Variants in TTC6 observed in about 807,000 individuals in gnomAD.
The protein encoded by TTC6 is tetratricopeptide repeat protein 6.
TTC6 carries 172 observed loss-of-function variants against 210.4 expected under a neutral mutation model. That is an observed-to-expected ratio of 0.82 (90% CI 0.72 to 0.93). TTC6 has a LOEUF of 0.93. TTC6 is among the 40% of genes least tolerant of loss of function. The pLI is 0.00. For missense variants in TTC6, 2,414 were observed against 2,318.1 expected (o/e 1.04, Z -0.85); for synonymous variants, 804 against 819.6 (o/e 0.98, Z 0.32).
intron 20 of TTC6, among the ~76,000 whole-genome samples, chr14:37,804,055 T>C (rs556692814): frequency 6.6e-6 from 1 of 152,364 alleles, no homozygotes; most frequent in South Asian, 2.1e-4. Context: ...TTTGACTTTT[T>C]CATTTAATGA....
chr14:37,636,169 A>G (rs2095680290), intron 1 of TTC6, among the ~76,000 whole-genome samples: 1 of 152,134 alleles, frequency 6.6e-6, no homozygotes, highest in South Asian at 2.1e-4. Context: ...TGAAAATTAT[A>G]GTTAAAAACG....
At chr14:37,655,092 C>T (rs1405789758) in intron 1 of TTC6, among the ~76,000 whole-genome samples, 1 of 152,202 alleles carries the variant, frequency 6.6e-6, no homozygotes, top group Non-Finnish European at 1.5e-5. Flanking sequence ...CCATTGACAG[C>T]TCTCATTACC....
intron 25 of TTC6, 102 bp from the exon 28 acceptor site, chr14:37,817,476 T>C (rs1415690811): frequency 1.0e-6 from 1 of 958,916 alleles, no homozygotes; most frequent in African/African-American, 1.6e-5. Context: ...AAGATGTATA[T>C]CTTAATGCTT....
intron 8 of TTC6, among the ~76,000 whole-genome samples, chr14:37,736,223 T>TA (rs1388612542): frequency 2.0e-5 from 3 of 151,914 alleles, no homozygotes; most frequent in South Asian, 2.1e-4. Context: ...CCATCTCTAG[T>TA]AAAAAAACAA....
intron 1 of TTC6, among the ~76,000 whole-genome samples, chr14:37,674,607 T>A (rs372109108): frequency 7.9e-5 from 12 of 152,282 alleles, no homozygotes; most frequent in African/African-American, 2.9e-4. Context: ...GAGTCAAGAT[T>A]TGAAGCCAAA....
In TTC6 at chr14:37,747,530, G is replaced by A. The variant is rs903296455; in HGVS notation, c.2364-1409G>A. On this transcript the variant is annotated intron_variant, in intron 10 of 30. Coordinates refer to ENST00000553443, the Ensembl canonical transcript of TTC6. ...TATAGTAATGGTTTTCTTGAAAGCA[G>A]TAGTGATCTTTTTACAAGGATCCTA... is the stretch of plus-strand genomic sequence containing the variant. Among the ~76,000 whole-genome samples, 5 of 152,208 alleles carry A rather than the reference G, an allele frequency of 3.3e-5. No individual in the cohort carries two copies. In the East Asian group the frequency reaches 9.6e-4, roughly 29 times the overall value.
intron 1 of TTC6, among the ~76,000 whole-genome samples, chr14:37,635,935 C>T (rs181363404): frequency 2.4e-4 from 34 of 143,400 alleles, no homozygotes; most frequent in Admixed American, 9.5e-4. Context: ...GCCAAGATTG[C>T]GCCATTGCAC....
intron 28 of TTC6, 27 bp downstream of exon 30, chr14:37,826,374 T>A: frequency 6.4e-7 from 1 of 1,560,124 alleles, no homozygotes; most frequent in Non-Finnish European, 8.7e-7. Context: ...ATTATATTAT[T>A]ATTAGCATAA....
intron 5 of TTC6, among the ~76,000 whole-genome samples, chr14:37,708,858 T>C (rs1438081228): frequency 6.6e-6 from 1 of 152,160 alleles, no homozygotes; most frequent in East Asian, 1.9e-4. Flanking sequence ...CCTTGGTCAT[T>C]GTGGGAGACT....
At chr14:37,689,988 T>C (rs1165139810) in intron 3 of TTC6, among the ~76,000 whole-genome samples, 1 of 152,038 alleles carries the variant, frequency 6.6e-6, no homozygotes, top group Non-Finnish European at 1.5e-5. Context: ...CAACAAAAAA[T>C]AATAACTATA....
intron 20 of TTC6, chr14:37,802,084 TC>T (rs1309865956): frequency 6.6e-6 from 1 of 152,136 alleles, no homozygotes; most frequent in African/African-American, 2.4e-5. Flanking sequence ...TGAGATCATG[TC>T]CTTTGCAGGG....
At chr14:37,692,222 A>AAG (rs1212339677) in intron 3 of TTC6, among the ~76,000 whole-genome samples, 5 of 148,090 alleles carry the variant, frequency 3.4e-5, no homozygotes, top group Admixed American at 1.3e-4. Flanking sequence ...AAAAAAAAAA[A>AAG]AAAAAAAAAA....
intron 7 of TTC6, among the ~76,000 whole-genome samples, chr14:37,728,172 T>C (rs1223271349): frequency 3.8e-5 from 3 of 78,432 alleles, no homozygotes; most frequent in African/African-American, 1.0e-4. Flanking sequence ...CAAATAATAA[T>C]AGACTTTATT....
At chr14:37,651,437 TTTTTTTTTTTTTTTTTC>T (rs1485950011) in intron 1 of TTC6, among the ~76,000 whole-genome samples, 60 of 68,070 alleles carry the variant, frequency 8.8e-4, no homozygotes, top group African/African-American at 1.7e-3. Flanking sequence ...TTTTTTTTTT[TTTTTTTTTTTTTTTTTC>T]CATCCATGAT....
chr14:37,834,582 T>G (rs1162326373), intron 29 of TTC6, among the ~76,000 whole-genome samples: 1 of 151,998 alleles, frequency 6.6e-6, no homozygotes, highest in African/African-American at 2.4e-5. Flanking sequence ...AATCATGAAG[T>G]TTTTTTTATT....
chr14:37,761,632 AC>A (rs890763338), intron 14 of TTC6, among the ~76,000 whole-genome samples: 3 of 150,372 alleles, frequency 2.0e-5, no homozygotes, highest in African/African-American at 7.5e-5. Flanking sequence ...GAAGACAACC[AC>A]TGTCTATTTT....
At chr14:37,708,433 C>T (rs1415034270) in intron 5 of TTC6, among the ~76,000 whole-genome samples, 1 of 151,914 alleles carries the variant, frequency 6.6e-6, no homozygotes, top group Non-Finnish European at 1.5e-5. Flanking sequence ...CATTTTATTT[C>T]CCAAATAAAA....
intron 3 of TTC6, among the ~76,000 whole-genome samples, chr14:37,696,494 G>A (rs1006576647): frequency 6.6e-6 from 1 of 151,576 alleles, no homozygotes; most frequent in Admixed American, 6.6e-5. Context: ...TAATAAAAAT[G>A]TTGTAAATAA....
intron 13 of TTC6, among the ~76,000 whole-genome samples, chr14:37,752,579 A>G (rs749784864): frequency 1.3e-5 from 2 of 152,132 alleles, no homozygotes; most frequent in Non-Finnish European, 2.9e-5. Flanking sequence ...TTTTCTACTA[A>G]CAATAGGTGA....
Sources: gnomAD v4.1 joint callset for allele counts (sites outside exome capture counted in the v4.1 genomes callset) on GRCh38, gnomAD v4.1.1 for gene constraint, MANE v1.5 for transcripts, NCBI Gene and HGNC (gene_info 2026-07-23, HGNC 2026-07-21) for gene names.